The following CD101 variants were observed in gnomAD, a reference collection of about 807,000 sequenced individuals.
CD101 encodes the protein CD101 molecule.
A neutral mutation model predicts 98.2 loss-of-function variants in CD101; 76 were observed. The observed-to-expected ratio is 0.77, with a 90% CI of 0.64 to 0.94. The LOEUF is 0.94. CD101 is among the 40% of genes least tolerant of loss of function. The pLI, the probability that CD101 is intolerant of heterozygous loss-of-function variation, is 0.00. For missense variants in CD101, 1,145 were observed against 1,218.8 expected (o/e 0.94, Z 0.90); for synonymous variants, 471 against 472.7 (o/e 1.00, Z 0.05).
Position 117,018,323 on chromosome 1 carries a change from C to G in CD101, c.1780C>G (p.Arg594Gly), listed in dbSNP as rs140225271. 19 of 1,614,020 alleles carry G rather than the reference C, an allele frequency of 1.2e-5. No individual in the cohort carries two copies. Among genetic ancestry groups the G allele is most frequent in the Non-Finnish European group, 1.5e-5 (18 of 1,180,038 alleles). Residue 594 changes from arginine (R) to glycine (G), a missense_variant, in exon 6 of 10, where the codon CGA (arginine) becomes GGA (glycine). Arg to Gly is a moderately radical substitution (Grantham distance 125). Transcript: ENST00000682167. The surrounding 1 kb of genome is among the most constrained non-coding windows in gnomAD (Gnocchi z 4.3). ...ASSHIFHQLI[R>G]ITHNGTIEWG... is the part of the protein sequence containing the mutation. ...CTCTCACATCTTCCACCAGCTTATT[C>G]GAATCACCCACAATGGCACTATTGA...
rs1340363169 is a variant in CD101 at position 117,034,152 on chromosome 1, G to T, written c.*33+18G>T. 2 of 1,595,234 alleles carry T rather than the reference G, an allele frequency of 1.3e-6. No individual in the cohort carries two copies. The highest frequency in any genetic ancestry group is 2.2e-5 in the South Asian group (2 of 89,264). On this transcript the variant is annotated intron_variant, in intron 9 of 9. Coordinates refer to ENST00000682167, the MANE Select transcript of CD101 (RefSeq NM_001256106.3). ...AAGGAAAGGTGGGGGCTTTTTAATT[G>T]GGCTAACCAGGGTGTGAATGAATCC...
At chr1:117,028,987 A>G (rs1654139229) in intron 8 of CD101, among the ~76,000 whole-genome samples, 1 of 151,874 alleles carries the variant, frequency 6.6e-6, no homozygotes. Context: ...TTTGGTTTGA[A>G]GATGATACAG....
At chr1:117,035,535 A>G (rs1654757148) in intron 9 of CD101, among the ~76,000 whole-genome samples, 1 of 151,620 alleles carries the variant, frequency 6.6e-6, no homozygotes, top group Non-Finnish European at 1.5e-5. Context: ...CAAACAACAA[A>G]GCTGAAATGA....
At chr1:117,007,003 G>A (rs182429047) in intron 1 of CD101, among the ~76,000 whole-genome samples, 1 of 152,306 alleles carries the variant, frequency 6.6e-6, no homozygotes, top group African/African-American at 2.4e-5. Context: ...AAACGTTCGA[G>A]AAGTGTTGCC....
Position 117,013,754 on chromosome 1 carries a change from A to G in CD101, c.1190A>G (p.Gln397Arg), listed in dbSNP as rs1653036944. The change falls in exon 4 of 10, where the codon CAG (glutamine) becomes CGG (arginine). Residue 397 changes from glutamine (Q) to arginine (R), a missense_variant. Coordinates refer to ENST00000682167, the MANE Select transcript of CD101 (RefSeq NM_001256106.3). Reference sequence around the variant, plus strand: ...TCCTGGCAGGTGCTTCAGAGAAAGCAGTCACCAGACAGCCACGTGCACCTG... The same window carrying G: ...TCCTGGCAGGTGCTTCAGAGAAAGCGGTCACCAGACAGCCACGTGCACCTG... ...TGSWQVLQRKQSPDSHVHLRK... is the reference protein window; with the variant it reads ...TGSWQVLQRKRSPDSHVHLRK... The G allele has an allele frequency of 1.2e-6, 2 of 1,613,346 alleles. No homozygotes were observed. Among genetic ancestry groups the G allele is most frequent in the African/African-American group, 1.3e-5 (1 of 74,926 alleles).
At position 117,010,291 on chromosome 1, in the gene CD101, A is replaced by T; in HGVS notation, c.424+61A>T. ...GAGAAGCCAGAGTCTCCACCATGAC[A>T]ATATCTTGCAATATGACATGGCTTT... On this transcript the variant is annotated intron_variant, in intron 2 of 9. Transcript: ENST00000682167. This position sits in a 1 kb window ranked among gnomAD's most constrained non-coding sequence, Gnocchi z 5.2. 1 of 1,507,438 alleles carries T rather than the reference A, an allele frequency of 6.6e-7. No individual in the cohort carries two copies. Among genetic ancestry groups the T allele is most frequent in the East Asian group, 2.3e-5 (1 of 44,108 alleles). 93.4% of individuals were successfully genotyped at this position (1,507,438 alleles called of 1,614,324 possible). A position where few individuals can be genotyped will look rare whatever the true frequency, so the allele number is the denominator to read the frequency against.
rs765887751 is a variant in CD101, at chr1:117,025,523, GT to G, written c.2444del (p.Val815AlafsTer10). 12 of 1,559,084 alleles carry G rather than the reference GT, an allele frequency of 7.7e-6. No individual in the cohort carries two copies. In the East Asian group the frequency reaches 2.7e-4, roughly 35 times the overall value. On this transcript the variant is annotated frameshift_variant, in exon 8 of 10. Transcript: ENST00000682167. LOFTEE classifies it high-confidence loss of function. ...TTATTTTCTAGGAAGTAAGGTACGT[GT>G]CTCCAAAGTGTACTGGACCGAAAAT... is the stretch of plus-strand genomic sequence containing the variant. ...KLKPTGSKVR[V>X]SKVYWTENVT...
chr1:117,024,789 A>G (rs1653801160), intron 7 of CD101, among the ~76,000 whole-genome samples: 2 of 152,136 alleles, frequency 1.3e-5, no homozygotes, highest in Admixed American at 6.5e-5. Context: ...ATCTGGGTGT[A>G]TGGGAGGAGA....
In CD101 at chr1:117,022,931, G is replaced by A. The variant is rs1171406709; in HGVS notation, c.2428+948G>A. ...GCCCCTTCTTCTCCCTGCTAAATGTGTGTGTTCCTCAGGGATAGATCCTGG... is the reference window on the plus strand; with the variant it reads ...GCCCCTTCTTCTCCCTGCTAAATGTATGTGTTCCTCAGGGATAGATCCTGG... On this transcript the variant is annotated intron_variant, in intron 7 of 9. Coordinates refer to ENST00000682167, the MANE Select transcript of CD101 (RefSeq NM_001256106.3). This position sits in a 1 kb window ranked among gnomAD's most constrained non-coding sequence, Gnocchi z 4.8. 6.6e-6 allele frequency among the ~76,000 whole-genome samples: 1 copy of A among 152,126 alleles called. No individual in the cohort carries two copies. The highest frequency in any genetic ancestry group is 1.5e-5 in the Non-Finnish European group (1 of 68,014).
In CD101 at chr1:117,010,251, T is replaced by C. The variant is rs1652810015; in HGVS notation, c.424+21T>C. On this transcript the variant is annotated intron_variant, in intron 2 of 9. Transcript: ENST00000682167. This position sits in a 1 kb window ranked among gnomAD's most constrained non-coding sequence, Gnocchi z 5.2. ...AATTGGTAAGTTGCTTGTCCACTTC[T>C]GCTAGCCAGCCCCTGAGAAGCCAGA... 3 of 1,588,148 alleles carry C rather than the reference T, an allele frequency of 1.9e-6. No individual in the cohort carries two copies. The highest frequency in any genetic ancestry group is 1.7e-5 in the Admixed American group (1 of 58,788).
chr1:117,016,391 T>A (rs984194495), intron 4 of CD101, among the ~76,000 whole-genome samples: 13 of 152,004 alleles, frequency 8.6e-5, no homozygotes, highest in Non-Finnish European at 1.9e-4. Context: ...TCTTGAACTC[T>A]GAAGGTCCGA....
Position 117,021,638 on chromosome 1 carries a change from A to G in CD101, c.2083A>G (p.Ile695Val), listed in dbSNP as rs1450477002. The G allele has an allele frequency of 6.2e-7, 1 of 1,613,780 alleles. No individual in the cohort carries two copies. ...QELSINSNTDIECSILSRSNG... is the reference protein window; with the variant it reads ...QELSINSNTDVECSILSRSNG... ...GCTCTCCATCAACTCCAACACTGATATAGAATGTAGCATCTTGTCCCGGTC... is the reference window on the plus strand; with the variant it reads ...GCTCTCCATCAACTCCAACACTGATGTAGAATGTAGCATCTTGTCCCGGTC... The change falls in exon 7 of 10, where the codon ATA becomes GTA. Residue 695 changes from isoleucine to valine, a missense_variant. Physicochemically the swap from Ile to Val is conservative, Grantham distance 29. Transcript: ENST00000682167. The surrounding 1 kb of genome is among the most constrained non-coding windows in gnomAD (Gnocchi z 4.7).
chr1:117,001,805 T>C lies in CD101; in HGVS notation c.-13T>C. On this transcript the variant is annotated 5_prime_UTR_variant, in exon 1 of 10. Transcript: ENST00000682167. Reference sequence around the variant, plus strand: ...TGACACTATTGGGACGAAAAAGGACTGTGCTGGCCCAAATGGCAGGCATCT... The same window carrying C: ...TGACACTATTGGGACGAAAAAGGACCGTGCTGGCCCAAATGGCAGGCATCT... 2 of 1,613,756 alleles carry C rather than the reference T, an allele frequency of 1.2e-6. No individual in the cohort carries two copies. The highest frequency in any genetic ancestry group is 2.2e-5 in the South Asian group (2 of 91,048).
intron 4 of CD101, 130 bp from the exon 5 acceptor site, chr1:117,016,960 G>T (rs760130289): frequency 3.2e-6 from 3 of 933,834 alleles, no homozygotes; most frequent in Non-Finnish European, 4.8e-6. Context: ...TGAGGGTGGT[G>T]CAAGAGGAAA....
intron 8 of CD101, among the ~76,000 whole-genome samples, chr1:117,028,724 G>A (rs1654123485): frequency 6.6e-6 from 1 of 152,176 alleles, no homozygotes; most frequent in South Asian, 2.1e-4. Context: ...GGTGAGGAGA[G>A]TCGACAGACT....
chr1:117,017,501 C>G, intron 5 of CD101, 28 bp downstream of exon 5: 1 of 1,581,342 alleles, frequency 6.3e-7, no homozygotes, highest in Non-Finnish European at 8.6e-7. Context: ...TCCTTTTCTG[C>G]ACCTGTATAT....
At chr1:117,026,455 T>A (rs1653935907) in intron 8 of CD101, 1 of 152,382 alleles carries the variant, frequency 6.6e-6, no homozygotes, top group Admixed American at 6.5e-5. Context: ...AGGTGGTCCA[T>A]CATTGTTTTT....
chr1:117,003,323 CATTG>C (rs1652351758), intron 1 of CD101, among the ~76,000 whole-genome samples: 1 of 152,124 alleles, frequency 6.6e-6, no homozygotes, highest in Non-Finnish European at 1.5e-5. Context: ...GCTTAATAAA[CATTG>C]ATTGAGTTGA....
In CD101 at chr1:117,013,748, G is replaced by C. The variant is rs148714384; in HGVS notation, c.1184G>C (p.Arg395Thr). The C allele has an allele frequency of 1.9e-6, 3 of 1,613,556 alleles. No individual in the cohort carries two copies. ...TRTGSWQVLQ[R>T]KQSPDSHVHL... is the part of the protein sequence containing the mutation. ...ACAGGTTCCTGGCAGGTGCTTCAGA[G>C]AAAGCAGTCACCAGACAGCCACGTG... Residue 395 changes from arginine (R) to threonine (T), a missense_variant, in exon 4 of 10, where the codon AGA becomes ACA. Arg to Thr is a moderately conservative substitution (Grantham distance 71, BLOSUM62 -1). Coordinates refer to ENST00000682167, the MANE Select transcript of CD101 (RefSeq NM_001256106.3).
Sources: allele counts gnomAD v4.1 joint callset (sites outside exome capture counted in the v4.1 genomes callset), GRCh38; gene constraint gnomAD v4.1.1; non-coding constraint Gnocchi (gnomAD v3.1); transcripts MANE v1.5; gene names NCBI Gene and HGNC (gene_info 2026-07-23, HGNC 2026-07-21).